The following CLVS1 variants were observed in gnomAD, a reference collection of about 807,000 sequenced individuals.
CLVS1 encodes clavesin 1.
Under a neutral mutation model 33.1 loss-of-function variants are expected in CLVS1, and 10 were observed. The ratio of observed to expected loss-of-function variants is 0.30; its 90% CI spans 0.19 to 0.51. CLVS1 has a LOEUF of 0.51. CLVS1 is among the 20% of genes least tolerant of loss of function. The pLI is 0.97. For missense variants in CLVS1, 343 were observed against 433.4 expected (o/e 0.79, Z 1.85); for synonymous variants, 163 against 166.1 (o/e 0.98, Z 0.14).
chr8:61,205,061 C>T (rs141588763), intron 2 of CLVS1, among the ~76,000 whole-genome samples: 14 of 152,250 alleles, frequency 9.2e-5, no homozygotes, highest in Admixed American at 3.3e-4. Context: ...AGAATTCATA[C>T]ATCACAAGGG....
chr8:61,008,464 CT>C, the CLVS1 span, among the ~76,000 whole-genome samples: 7,175 of 134,972 alleles, frequency 0.053, 449 homozygotes, highest in African/African-American at 0.15. Flanking sequence ...TGGGGATTTA[CT>C]TTTTTTTTTT....
intron 2 of CLVS1, among the ~76,000 whole-genome samples, chr8:61,352,202 C>T (rs959991706): frequency 7.0e-4 from 106 of 151,914 alleles, no homozygotes; most frequent in African/African-American, 2.5e-3. Flanking sequence ...TGATACTGTA[C>T]CTATTATGTC....
At chr8:61,409,712 G>C (rs1157169945) in intron 3 of CLVS1, among the ~76,000 whole-genome samples, 1 of 152,188 alleles carries the variant, frequency 6.6e-6, no homozygotes, top group African/African-American at 2.4e-5. Flanking sequence ...ATTTGGGTAA[G>C]TCCATGGTTG....
At chr8:61,385,850 A>AC (rs1481570673) in intron 3 of CLVS1, among the ~76,000 whole-genome samples, 1 of 151,784 alleles carries the variant, frequency 6.6e-6, no homozygotes, top group Non-Finnish European at 1.5e-5. Flanking sequence ...TCTTGAGCCC[A>AC]CCCAAGGTTC....
chr8:61,407,787 A>C (rs1377056742), intron 3 of CLVS1, among the ~76,000 whole-genome samples: 21 of 152,236 alleles, frequency 1.4e-4, no homozygotes, highest in Non-Finnish European at 1.5e-5. Context: ...GGATCTCAAT[A>C]ATTGTATTAA....
intron 1 of CLVS1, among the ~76,000 whole-genome samples, chr8:61,110,098 G>A (rs982221739): frequency 6.6e-6 from 1 of 152,130 alleles, no homozygotes; most frequent in Admixed American, 6.5e-5. Context: ...AATGGTGCAC[G>A]GTTGCCCCCT....
intron 1 of CLVS1, among the ~76,000 whole-genome samples, chr8:61,061,932 T>C (rs913593126): frequency 7.2e-5 from 11 of 152,132 alleles, no homozygotes; most frequent in African/African-American, 2.7e-4. Context: ...TTGCCTTCTA[T>C]TATGTTTATT....
At chr8:61,097,614 G>A (rs1805376965) in intron 1 of CLVS1, among the ~76,000 whole-genome samples, 1 of 152,204 alleles carries the variant, frequency 6.6e-6, no homozygotes, top group Admixed American at 6.5e-5. Context: ...AGGAGGCTGT[G>A]TCTGGCTTTG....
At chr8:61,300,316 T>G (rs776189796) in intron 2 of CLVS1, 34 bp downstream of exon 2, 30 of 1,556,690 alleles carry the variant, frequency 1.9e-5, no homozygotes, top group Non-Finnish European at 1.7e-5. Context: ...TTGGTTTTTC[T>G]TTGCTATAAG....
chr8:61,232,041 T>TTTTTTTTTTTTTTTTTTTTTTTTTTTTTG (rs1554548394), intron 2 of CLVS1, among the ~76,000 whole-genome samples: 1 of 116,018 alleles, frequency 8.6e-6, no homozygotes. Context: ...TTTTTTTTTT[T>TTTTTTTTTTTTTTTTTTTTTTTTTTTTTG]TTTTTTTTTG....
At chr8:61,197,475 G>A (rs536562479) in intron 2 of CLVS1, among the ~76,000 whole-genome samples, 1 of 152,204 alleles carries the variant, frequency 6.6e-6, no homozygotes, top group African/African-American at 2.4e-5. Context: ...ATAATTTGAA[G>A]TCAGGTAATG....
rs149388050 is a variant in CLVS1 at position 61,500,202 on chromosome 8, G to A, written c.*660G>A. ...CACTAGCTGACTGTCATGAGCTGAC[G>A]TTAAAGGAAGACACATGGACGTGAA... On this transcript the variant is annotated 3_prime_UTR_variant, in exon 6 of 6. Transcript: ENST00000325897. The A allele has an allele frequency of 1.2e-4, 18 of 152,582 alleles. No individual in the cohort carries two copies. Among genetic ancestry groups the A allele is most frequent in the East Asian group, 5.8e-4 (3 of 5,190 alleles). 9.5% of individuals were successfully genotyped at this position (152,582 alleles called of 1,614,324 possible). A position where few individuals can be genotyped will look rare whatever the true frequency, so the allele number is the denominator to read the frequency against.
chr8:61,436,037 G>A (rs1439326054), intron 3 of CLVS1, among the ~76,000 whole-genome samples: 1 of 152,140 alleles, frequency 6.6e-6, no homozygotes, highest in Admixed American at 6.5e-5. Context: ...TCACAAGTGT[G>A]TAATTATCTA....
chr8:61,335,024 A>G (rs954098585), intron 2 of CLVS1, among the ~76,000 whole-genome samples: 1 of 152,178 alleles, frequency 6.6e-6, no homozygotes, highest in African/African-American at 2.4e-5. Flanking sequence ...TCAGAGATGA[A>G]ATCATAGGGA....
chr8:61,489,901 C>T (rs888864200), intron 5 of CLVS1, among the ~76,000 whole-genome samples: 41 of 152,158 alleles, frequency 2.7e-4, no homozygotes, highest in African/African-American at 9.7e-4. Context: ...GAAATTGCAA[C>T]CTGAGGGCAG....
chr8:61,198,874 C>T (rs1807670756), intron 2 of CLVS1, among the ~76,000 whole-genome samples: 1 of 152,138 alleles, frequency 6.6e-6, no homozygotes, highest in Non-Finnish European at 1.5e-5. Flanking sequence ...CAATTCCAAC[C>T]AAGTAGTTTC....
chr8:61,178,162 T>C (rs1208447714), intron 2 of CLVS1, among the ~76,000 whole-genome samples: 1 of 152,166 alleles, frequency 6.6e-6, no homozygotes. Context: ...AATGACCTCA[T>C]GGAGCTGAAA....
the CLVS1 span, among the ~76,000 whole-genome samples, chr8:60,984,784 T>G: frequency 6.6e-6 from 1 of 152,218 alleles, no homozygotes; most frequent in East Asian, 1.9e-4. Flanking sequence ...CTATTTTTAT[T>G]TTCTTCTTGT....
At chr8:61,486,097 T>G (rs1803871277) in intron 5 of CLVS1, among the ~76,000 whole-genome samples, 1 of 121,644 alleles carries the variant, frequency 8.2e-6, no homozygotes, top group East Asian at 2.2e-4. Flanking sequence ...AAAGTATAAT[T>G]AAAATAAATA....
Sources: allele counts gnomAD v4.1 joint callset (sites outside exome capture counted in the v4.1 genomes callset), GRCh38; gene constraint gnomAD v4.1.1; transcripts MANE v1.5; gene names NCBI Gene and HGNC (gene_info 2026-07-23, HGNC 2026-07-21).